Variants in ERBIN observed in about 807,000 individuals in gnomAD.
The protein encoded by ERBIN is erbb2 interacting protein.
A neutral mutation model predicts 158.4 loss-of-function variants in ERBIN; 60 were observed. The ratio of observed to expected loss-of-function variants is 0.38; its 90% CI spans 0.31 to 0.47. The LOEUF (loss-of-function observed/expected upper bound fraction) is 0.47, where lower values mean the gene tolerates loss of function less well. Ranked by LOEUF, ERBIN falls within the 20% of genes least tolerant of loss-of-function variation. The pLI is 0.99. For synonymous variants in ERBIN, 594 were observed against 557.2 expected, an observed-to-expected ratio of 1.07 and a Z score of -0.93; for missense variants, 1,610 against 1,648.0, an observed-to-expected ratio of 0.98 and a Z score of 0.40.
intron 8 of ERBIN, chr5:66,022,766 T>C (rs1246370060): frequency 1.3e-5 from 2 of 152,518 alleles, no homozygotes; most frequent in African/African-American, 4.8e-5. Flanking sequence ...TACAGTATAT[T>C]TGTATCATGT....
chr5:66,009,989 C>T (rs936197962), intron 4 of ERBIN, among the ~76,000 whole-genome samples: 1 of 152,172 alleles, frequency 6.6e-6, no homozygotes, highest in Non-Finnish European at 1.5e-5. Flanking sequence ...CTGTGTTTAG[C>T]ATTTTGAACA....
chr5:66,000,201 A>G (rs1028516340), intron 4 of ERBIN, among the ~76,000 whole-genome samples: 1 of 152,188 alleles, frequency 6.6e-6, no homozygotes. Context: ...AAACTTTGCT[A>G]TCAGTCTTTA....
intron 1 of ERBIN, among the ~76,000 whole-genome samples, chr5:65,980,459 A>G (rs1052615148): frequency 6.6e-6 from 1 of 152,158 alleles, no homozygotes; most frequent in Non-Finnish European, 1.5e-5. Flanking sequence ...AAAATAAATA[A>G]TAATGTGATA....
chr5:66,078,749 A>G lies in ERBIN; in HGVS notation c.*219A>G. On this transcript the variant is annotated 3_prime_UTR_variant, in exon 26 of 26. Coordinates refer to ENST00000284037, the MANE Select transcript of ERBIN (RefSeq NM_001253697.2). ...GAATTCATACCATATAAAACTTGTT[A>G]GGTTTTTAAACATAGCAATCAAGGC... is the stretch of plus-strand genomic sequence containing the variant. The G allele has an allele frequency of 2.1e-6, 1 of 487,126 alleles. No homozygotes were observed. The highest frequency in any genetic ancestry group is 2.8e-5 in the South Asian group (1 of 35,864). The allele number at this position is 487,126 out of a possible 1,614,324, so 30.2% of individuals were successfully genotyped here.
chr5:66,006,160 A>T (rs1431696035), intron 4 of ERBIN, among the ~76,000 whole-genome samples: 2 of 152,208 alleles, frequency 1.3e-5, no homozygotes, highest in Non-Finnish European at 2.9e-5. Flanking sequence ...AGGCTACAGT[A>T]ACTAAAACAG....
intron 1 of ERBIN, among the ~76,000 whole-genome samples, chr5:65,945,055 A>G (rs1267771282): frequency 6.6e-6 from 1 of 152,260 alleles, no homozygotes; most frequent in East Asian, 1.9e-4. Context: ...GGTTGGAGAA[A>G]AATAAAAATA....
intron 7 of ERBIN, 61 bp from the exon 8 acceptor site, chr5:66,021,261 T>G: frequency 1.9e-6 from 2 of 1,073,552 alleles, no homozygotes; most frequent in Admixed American, 2.0e-5. Context: ...TAGACTGTTT[T>G]GAAAGCTTCC....
In ERBIN at chr5:66,026,487, T is replaced by C. The variant is rs1010781231; in HGVS notation, c.1136+70T>C. 2.0e-5 allele frequency: 15 copies of C among 765,694 alleles called. No individual in the cohort carries two copies. The East Asian group carries it at 4.0e-4, about 21-fold the overall frequency. 47.4% of individuals were successfully genotyped at this position (765,694 alleles called of 1,614,324 possible). ...TTAGATGAAATTAAGTTTCATATGA[T>C]ATATAATAGAATAGCTAGTGCTTGT... On this transcript the variant is annotated intron_variant, in intron 13 of 25. Coordinates refer to ENST00000284037, the MANE Select transcript of ERBIN (RefSeq NM_001253697.2).
chr5:66,051,881 C>A, intron 20 of ERBIN, among the ~76,000 whole-genome samples: 1 of 119,932 alleles, frequency 8.3e-6, no homozygotes, highest in African/African-American at 3.5e-5. Context: ...GGTGACAGAG[C>A]TAGGCCTTGT....
intron 18 of ERBIN, among the ~76,000 whole-genome samples, chr5:66,047,990 T>G (rs1265531510): frequency 6.6e-6 from 1 of 151,744 alleles, no homozygotes; most frequent in East Asian, 1.9e-4. Flanking sequence ...TTAAAGAAAT[T>G]TAGGAGGAAG....
In ERBIN at chr5:65,967,542, A is replaced by G. The variant is rs576490565; in HGVS notation, c.-57-21093A>G. Among the ~76,000 whole-genome samples, 100 of 152,310 alleles carry G rather than the reference A, an allele frequency of 6.6e-4. 1 individual carries two copies. Among genetic ancestry groups the G allele is most frequent in the Non-Finnish European group, 6.9e-4 (47 of 68,022 alleles). On this transcript the variant is annotated intron_variant, in intron 1 of 25. Transcript: ENST00000284037. ...TACGTGTTCTTAGTCTAGTGGCAGT[A>G]GGCTACACCATATAGCCTAGAGGTG... is the stretch of plus-strand genomic sequence containing the variant.
Position 66,082,124 on chromosome 5 carries a change from A to T in ERBIN, c.*3594A>T, listed in dbSNP as rs1019015526. On this transcript the variant is annotated 3_prime_UTR_variant, in exon 26 of 26. Coordinates refer to ENST00000284037, the MANE Select transcript of ERBIN (RefSeq NM_001253697.2). ...CAGTCTCATGAAGCAGTTTTTCAAG[A>T]TTAGAATCTGTGGTCAGCTATAACG... 4 of 152,322 alleles carry T rather than the reference A, an allele frequency of 2.6e-5. No homozygotes were observed. In the East Asian group the frequency reaches 7.7e-4, roughly 29 times the overall value. 9.4% of individuals were successfully genotyped at this position (152,322 alleles called of 1,614,324 possible).
At chr5:65,995,367 T>C (rs1340343970) in intron 4 of ERBIN, among the ~76,000 whole-genome samples, 1 of 85,540 alleles carries the variant, frequency 1.2e-5, no homozygotes, top group Non-Finnish European at 2.6e-5. Context: ...AGTGAGCTTA[T>C]GTGGTATTTT....
intron 1 of ERBIN, among the ~76,000 whole-genome samples, chr5:65,968,875 T>C (rs1748952847): frequency 6.6e-6 from 1 of 152,192 alleles, no homozygotes. Context: ...GCTTTTATTT[T>C]TAAATTTGGA....
chr5:66,078,612 T>TTA lies in ERBIN; in HGVS notation c.*89_*90dup. The TTA allele has an allele frequency of 1.2e-6, 1 of 837,872 alleles. No homozygotes were observed. The highest frequency in any genetic ancestry group is 1.5e-5 in the South Asian group (1 of 64,888). The allele number at this position is 837,872 out of a possible 1,614,324, so 51.9% of individuals were successfully genotyped here. On this transcript the variant is annotated 3_prime_UTR_variant, in exon 26 of 26. Coordinates refer to ENST00000284037, the MANE Select transcript of ERBIN (RefSeq NM_001253697.2). ...GGGGAAATTAATATTTTGACTATTT[T>TTA]TATATATAAAGAAGAACTCAAAAAA... is the stretch of plus-strand genomic sequence containing the variant.
chr5:66,020,360 T>C (rs57646733), intron 7 of ERBIN, among the ~76,000 whole-genome samples: 6,125 of 152,078 alleles, frequency 0.04, 419 homozygotes, highest in African/African-American at 0.14. Flanking sequence ...ATAGAAATAG[T>C]CTGTGTTTTT....
intron 1 of ERBIN, among the ~76,000 whole-genome samples, chr5:65,948,171 G>GT (rs1166710555): frequency 8.6e-5 from 13 of 151,364 alleles, no homozygotes; most frequent in South Asian, 2.1e-4. Context: ...GTTTGTTTTT[G>GT]TTTTTTTTGA....
chr5:65,995,898 TTG>T (rs1286439851), intron 4 of ERBIN, among the ~76,000 whole-genome samples: 2 of 152,332 alleles, frequency 1.3e-5, no homozygotes, highest in East Asian at 3.9e-4. Flanking sequence ...TGTTGGTGAT[TTG>T]TGTGTGTTTT....
intron 20 of ERBIN, among the ~76,000 whole-genome samples, chr5:66,051,459 T>C (rs1759010870): frequency 6.6e-6 from 1 of 152,192 alleles, no homozygotes; most frequent in Non-Finnish European, 1.5e-5. Flanking sequence ...TTTTATTATT[T>C]AGGCTCTTGA....
Sources: gnomAD v4.1 joint callset for allele counts (sites outside exome capture counted in the v4.1 genomes callset) on GRCh38, gnomAD v4.1.1 for gene constraint, MANE v1.5 for transcripts, NCBI Gene and HGNC (gene_info 2026-07-23, HGNC 2026-07-21) for gene names.